The following CDH12 variants were observed in gnomAD, a reference collection of about 807,000 sequenced individuals.
CDH12 encodes cadherin 12, also known as cadherin-12.
In CDH12, 41 loss-of-function variants were observed where a neutral mutation model predicts 74.1. The observed-to-expected ratio is 0.55, with a 90% confidence interval of 0.43 to 0.72. CDH12 has a LOEUF of 0.72. Among genes scored for constraint, CDH12 ranks in the 30% least tolerant of loss-of-function variants. The pLI is 0.00. For missense variants in CDH12, 945 were observed against 977.2 expected, an observed-to-expected ratio of 0.97 and a Z score of 0.44; for synonymous variants, 399 against 355.0, an observed-to-expected ratio of 1.12 and a Z score of -1.39.
intron 5 of CDH12, among the ~76,000 whole-genome samples, chr5:22,032,189 T>C (rs145374703): frequency 1.5e-3 from 231 of 152,132 alleles, no homozygotes; most frequent in Middle Eastern, 6.8e-3. Context: ...ATATTAATCA[T>C]AACATATAAT....
intron 3 of CDH12, among the ~76,000 whole-genome samples, chr5:22,258,415 C>A (rs1174710359): frequency 6.6e-6 from 1 of 152,098 alleles, no homozygotes; most frequent in Admixed American, 6.6e-5. Context: ...TGATCCCAAG[C>A]ACAGGGCTAG....
At chr5:22,693,771 T>A (rs964834446) in intron 1 of CDH12, among the ~76,000 whole-genome samples, 1 of 151,902 alleles carries the variant, frequency 6.6e-6, no homozygotes, top group East Asian at 1.9e-4. Flanking sequence ...TATATATATA[T>A]GTATTATCTG....
intron 1 of CDH12, among the ~76,000 whole-genome samples, chr5:22,559,912 GAGAA>G (rs1738965961): frequency 2.0e-5 from 3 of 152,234 alleles, no homozygotes; most frequent in African/African-American, 7.2e-5. Flanking sequence ...GCTCCAATCA[GAGAA>G]AGACTTTGTT....
intron 2 of CDH12, among the ~76,000 whole-genome samples, chr5:22,482,821 T>A (rs1746436583): frequency 6.6e-6 from 1 of 152,166 alleles, no homozygotes; most frequent in Non-Finnish European, 1.5e-5. Flanking sequence ...TCCCAAAAAA[T>A]ATATACCATT....
At chr5:21,796,365 T>C (rs1746779931) in intron 10 of CDH12, among the ~76,000 whole-genome samples, 1 of 123,530 alleles carries the variant, frequency 8.1e-6, no homozygotes, top group Non-Finnish European at 1.8e-5. Flanking sequence ...ATGTAATTTA[T>C]TGAATGCTGA....
intron 2 of CDH12, among the ~76,000 whole-genome samples, chr5:22,439,277 T>G (rs1489036550): frequency 6.6e-6 from 1 of 151,802 alleles, no homozygotes; most frequent in Non-Finnish European, 1.5e-5. Flanking sequence ...GTCCCTGCTT[T>G]GACAAAAAAA....
intron 2 of CDH12, among the ~76,000 whole-genome samples, chr5:22,499,735 G>A (rs1050712169): frequency 3.9e-5 from 6 of 152,146 alleles, no homozygotes; most frequent in South Asian, 2.1e-4. Flanking sequence ...CCAAATTACA[G>A]TATCTGGCAT....
At chr5:22,757,298 A>G (rs1467228085) in intron 1 of CDH12, among the ~76,000 whole-genome samples, 1 of 152,324 alleles carries the variant, frequency 6.6e-6, no homozygotes, top group Non-Finnish European at 1.5e-5. Flanking sequence ...GTCACATGAA[A>G]CATAATATTT....
At chr5:22,331,558 G>A (rs933996165) in intron 3 of CDH12, among the ~76,000 whole-genome samples, 7 of 152,158 alleles carry the variant, frequency 4.6e-5, no homozygotes, top group African/African-American at 1.7e-4. Context: ...CCTTCCTAAG[G>A]AGGACAGGCA....
intron 3 of CDH12, among the ~76,000 whole-genome samples, chr5:22,399,603 A>C (rs977968876): frequency 1.6e-4 from 25 of 152,264 alleles, no homozygotes; most frequent in Admixed American, 1.5e-3. Context: ...GAACAATGAA[A>C]AAGGTAATTC....
intron 5 of CDH12, among the ~76,000 whole-genome samples, chr5:22,023,372 C>G (rs768774388): frequency 7.9e-5 from 12 of 152,130 alleles, no homozygotes; most frequent in Non-Finnish European, 1.6e-4. Context: ...GATATGCACA[C>G]AGAAGTACTT....
chr5:22,069,388 C>T (rs1281684445), intron 5 of CDH12, among the ~76,000 whole-genome samples: 1 of 152,148 alleles, frequency 6.6e-6, no homozygotes, highest in Non-Finnish European at 1.5e-5. Context: ...TCTGAATCAG[C>T]ATCCAATATA....
chr5:22,549,638 T>C (rs1342403108), intron 1 of CDH12, among the ~76,000 whole-genome samples: 1 of 152,178 alleles, frequency 6.6e-6, no homozygotes. Context: ...CTAGTTGCTA[T>C]GTAGTTCAAA....
intron 1 of CDH12, among the ~76,000 whole-genome samples, chr5:22,694,641 G>A (rs1742254877): frequency 6.6e-6 from 1 of 151,648 alleles, no homozygotes; most frequent in African/African-American, 2.4e-5. Context: ...CTTTTTAAAG[G>A]TAATGTTAAA....
intron 8 of CDH12, among the ~76,000 whole-genome samples, chr5:21,821,532 T>TA (rs995198712): frequency 1.3e-5 from 2 of 151,510 alleles, no homozygotes; most frequent in Non-Finnish European, 3.0e-5. Context: ...TAAAGTTACT[T>TA]AAAAAAAAGG....
chr5:22,354,950 A>AT, intron 3 of CDH12, among the ~76,000 whole-genome samples: 1 of 152,138 alleles, frequency 6.6e-6, no homozygotes, highest in Non-Finnish European at 1.5e-5. Context: ...AGCACTAGAA[A>AT]TTTAACCGAA....
Position 22,762,386 on chromosome 5 carries a change from G to A in CDH12, c.-523+90672C>T, listed in dbSNP as rs1746273059. Reference sequence around the variant, plus strand: ...TGTTAGTTGTTAGATTTAATTCTCAGTCATTCTTAAAAAAGTATTAAAATA... The same window carrying A: ...TGTTAGTTGTTAGATTTAATTCTCAATCATTCTTAAAAAAGTATTAAAATA... On this transcript the variant is annotated intron_variant, in intron 1 of 14. Transcript: ENST00000382254. Among the ~76,000 whole-genome samples, 4 of 151,972 alleles carry A rather than the reference G, an allele frequency of 2.6e-5. No homozygotes were observed. The South Asian group carries it at 8.3e-4, about 31-fold the overall frequency.
At chr5:21,857,882 T>C (rs1021943795) in intron 6 of CDH12, among the ~76,000 whole-genome samples, 2 of 151,688 alleles carry the variant, frequency 1.3e-5, no homozygotes, top group African/African-American at 4.8e-5. Flanking sequence ...AAAAATTGGG[T>C]TTCTGATGAG....
Position 22,832,023 on chromosome 5 carries a change from C to T in CDH12, c.-523+21035G>A, listed in dbSNP as rs145136639. Among the ~76,000 whole-genome samples, 52 of 152,252 alleles carry T rather than the reference C, an allele frequency of 3.4e-4. 1 individual carries two copies. In the East Asian group the frequency reaches 9.8e-3, roughly 29 times the overall value. The stretch of plus-strand genomic sequence containing the variant: ...GGTGAAGAAGAAAAGGTCAAAGCCA[C>T]TTCCAAGTCACAGATTTTCATGACT... On this transcript the variant is annotated intron_variant, in intron 1 of 14. Coordinates refer to ENST00000382254, the MANE Select transcript of CDH12 (RefSeq NM_004061.5).
Sources: gnomAD v4.1 joint callset for allele counts (sites outside exome capture counted in the v4.1 genomes callset) on GRCh38, gnomAD v4.1.1 for gene constraint, MANE v1.5 for transcripts, NCBI Gene and HGNC (gene_info 2026-07-23, HGNC 2026-07-21) for gene names.